Variants in FAAH2 observed in about 807,000 individuals in gnomAD.
FAAH2 encodes the protein fatty-acid amide hydrolase 2.
In FAAH2, 60 loss-of-function variants were observed where a neutral mutation model predicts 36.9. That is an observed-to-expected ratio of 1.63 (90% CI 1.32 to 2.02). The LOEUF is 2.02. Ranked by LOEUF, FAAH2 falls within the 30% of genes most tolerant of loss-of-function variation. The probability of loss-of-function intolerance (pLI) is 0.00; values close to 1 mark genes in which losing one functional copy is unlikely to be tolerated. For missense variants in FAAH2, 689 were observed against 397.5 expected, an observed-to-expected ratio of 1.73 and a Z score of -6.23; for synonymous variants, 214 against 143.8, an observed-to-expected ratio of 1.49 and a Z score of -3.49.
intron 7 of FAAH2, among the ~76,000 whole-genome samples, chrX:57,411,011 AG>A (rs1187109847): frequency 2.7e-5 from 3 of 111,362 alleles, no homozygotes; most frequent in East Asian, 2.8e-4. Context: ...TGTTCCTTGG[AG>A]GCTTGGATTG....
At chrX:57,319,666 A>T (rs1423699402) in intron 3 of FAAH2, among the ~76,000 whole-genome samples, 3 of 112,191 alleles carry the variant, frequency 2.7e-5, no homozygotes, top group Admixed American at 1.9e-4. Flanking sequence ...ATTGGGAAAA[A>T]CTACTTTAAA....
the FAAH2 span, among the ~76,000 whole-genome samples, chrX:57,249,538 T>A: frequency 8.9e-6 from 1 of 112,236 alleles, no homozygotes; most frequent in Non-Finnish European, 1.9e-5. Context: ...CATGCAGGCA[T>A]ATAGCTTGAA....
chrX:57,347,972 G>A (rs1244590500), intron 5 of FAAH2, among the ~76,000 whole-genome samples: 1 of 110,768 alleles, frequency 9.0e-6, no homozygotes, highest in Admixed American at 9.7e-5. Context: ...AGTTATCTGT[G>A]GTTTGTTGGA....
Position 57,331,722 on chromosome X carries a change from G to T in FAAH2, c.537G>T (p.Leu179Phe). ...TTGGCATAACCAACTGTAGTGAGTT[G>T]TGTATGTGGTATGAATCCAGTAACA... Reference protein sequence around the residue: ...IPLGITNCSELCMWYESSNKI... With the variant: ...IPLGITNCSEFCMWYESSNKI... Residue 179 changes from leucine to phenylalanine, a missense_variant, in exon 4 of 11, where the codon TTG (leucine) becomes TTT (phenylalanine). Coordinates refer to ENST00000374900, the MANE Select transcript of FAAH2 (RefSeq NM_174912.4). 1 of 1,209,509 alleles carries T rather than the reference G, an allele frequency of 8.3e-7. No homozygotes were observed. The highest frequency in any genetic ancestry group is 3.0e-5 in the East Asian group (1 of 33,748).
chrX:57,467,546 C>T (rs756413274), intron 10 of FAAH2, among the ~76,000 whole-genome samples: 27 of 111,716 alleles, frequency 2.4e-4, no homozygotes, highest in African/African-American at 7.5e-4. Context: ...GACAGCGAGG[C>T]TGGAGGAGAG....
chrX:57,286,601 C>G (rs371635046), upstream of FAAH2: 2 of 307,875 alleles, frequency 6.5e-6, no homozygotes, highest in East Asian at 4.9e-5. Context: ...ACAGCACTAA[C>G]GACAGGTAGC....
chrX:57,144,985 G>T, the FAAH2 span, among the ~76,000 whole-genome samples: 1 of 110,434 alleles, frequency 9.1e-6, no homozygotes, highest in African/African-American at 3.3e-5. Context: ...TGAACATTTG[G>T]GCTGGTTCCA....
the FAAH2 span, among the ~76,000 whole-genome samples, chrX:57,163,583 G>A: frequency 7.1e-5 from 8 of 112,089 alleles, no homozygotes; most frequent in South Asian, 3.8e-4. Flanking sequence ...TTTTAAGCCC[G>A]TCAGAAAAGC....
chrX:57,482,174 T>A (rs1162518316), intron 10 of FAAH2, among the ~76,000 whole-genome samples: 3 of 111,806 alleles, frequency 2.7e-5, no homozygotes, highest in African/African-American at 9.8e-5. Flanking sequence ...CTTGCTGGAC[T>A]CCCTGGCAGT....
At chrX:57,475,310 G>T (rs1286177820) in intron 10 of FAAH2, among the ~76,000 whole-genome samples, 1 of 110,898 alleles carries the variant, frequency 9.0e-6, no homozygotes, top group Admixed American at 9.6e-5. Flanking sequence ...GTTTCTTCTG[G>T]GTTTTTATGG....
At chrX:57,409,243 C>T (rs1350866813) in intron 7 of FAAH2, among the ~76,000 whole-genome samples, 24 of 111,610 alleles carry the variant, frequency 2.2e-4, no homozygotes. Flanking sequence ...CTATGCATCC[C>T]AGGGATGAAT....
At chrX:57,417,506 C>A (rs1009682183) in intron 7 of FAAH2, among the ~76,000 whole-genome samples, 1 of 112,233 alleles carries the variant, frequency 8.9e-6, no homozygotes, top group Non-Finnish European at 1.9e-5. Context: ...GGTCTGCTGG[C>A]ATTTGCTGGA....
At chrX:57,405,466 G>A (rs890470258) in intron 7 of FAAH2, among the ~76,000 whole-genome samples, 102 of 109,647 alleles carry the variant, frequency 9.3e-4, no homozygotes, top group African/African-American at 3.1e-3. Context: ...TCTTTAGCCC[G>A]ATTGGGAGCG....
chrX:57,450,481 T>C (rs1000654147), intron 10 of FAAH2, among the ~76,000 whole-genome samples: 4 of 111,900 alleles, frequency 3.6e-5, no homozygotes, highest in Non-Finnish European at 5.6e-5. Context: ...ACTACATGTA[T>C]GGGTTAATAA....
chrX:57,122,861 A>C, the FAAH2 span, among the ~76,000 whole-genome samples: 2 of 112,281 alleles, frequency 1.8e-5, no homozygotes, highest in African/African-American at 6.5e-5. Context: ...ATGAAAGAAC[A>C]TTAAAATATT....
intron 3 of FAAH2, among the ~76,000 whole-genome samples, chrX:57,321,833 T>C (rs2146950276): frequency 9.0e-6 from 1 of 111,708 alleles, no homozygotes; most frequent in East Asian, 2.8e-4. Flanking sequence ...GTGTTTTTGC[T>C]TTTTAGGGTC....
chrX:57,265,494 C>T, the FAAH2 span, among the ~76,000 whole-genome samples: 3 of 111,292 alleles, frequency 2.7e-5, no homozygotes, highest in Non-Finnish European at 5.7e-5. Flanking sequence ...AGCCATATGG[C>T]CTTCAGGCTT....
intron 5 of FAAH2, among the ~76,000 whole-genome samples, chrX:57,366,922 G>T (rs2054432346): frequency 8.9e-6 from 1 of 111,859 alleles, no homozygotes; most frequent in Non-Finnish European, 1.9e-5. Context: ...TGGGGAATTG[G>T]CAGCCATGGC....
At chrX:57,256,293 C>T in the FAAH2 span, among the ~76,000 whole-genome samples, 8 of 111,803 alleles carry the variant, frequency 7.2e-5, no homozygotes, top group South Asian at 1.1e-3. Flanking sequence ...AATGGGGAAA[C>T]ATTCCATGCT....
Sources: allele counts gnomAD v4.1 joint callset (sites outside exome capture counted in the v4.1 genomes callset), GRCh38; gene constraint gnomAD v4.1.1; transcripts MANE v1.5; gene names NCBI Gene and HGNC (gene_info 2026-07-23, HGNC 2026-07-21).